Variants in PAM16 observed in about 807,000 individuals in gnomAD.
The protein encoded by PAM16 is presequence translocase associated motor 16.
Under a neutral mutation model 17.9 loss-of-function variants are expected in PAM16, and 11 were observed. That is an observed-to-expected ratio of 0.62 (90% CI 0.39 to 1.02). The LOEUF is 1.02. Among genes scored for constraint, PAM16 ranks in the 50% least tolerant of loss-of-function variants. The probability of loss-of-function intolerance (pLI) is 0.01; values close to 1 mark genes in which losing one functional copy is unlikely to be tolerated. For missense variants in PAM16, 199 were observed against 165.4 expected, an observed-to-expected ratio of 1.20 and a Z score of -1.11; for synonymous variants, 72 against 67.4, an observed-to-expected ratio of 1.07 and a Z score of -0.34.
At chr16:4,344,552 G>C (rs1171483531) in intron 1 of PAM16, among the ~76,000 whole-genome samples, 10 of 111,840 alleles carry the variant, frequency 8.9e-5, no homozygotes, top group East Asian at 3.1e-4. Flanking sequence ...AGGGGGTTCC[G>C]TGAGAGGAGG....
intron 2 of PAM16, among the ~76,000 whole-genome samples, chr16:4,342,676 C>T (rs1373232468): frequency 2.7e-5 from 4 of 150,632 alleles, no homozygotes; most frequent in Non-Finnish European, 5.9e-5. Flanking sequence ...GATTTATTTA[C>T]AAAACCAGGG....
chr16:4,349,276 T>C (rs1401145670), intron 1 of PAM16, among the ~76,000 whole-genome samples: 1 of 152,030 alleles, frequency 6.6e-6, no homozygotes, highest in Non-Finnish European at 1.5e-5. Flanking sequence ...TTCCTGTTAA[T>C]ATACTGTCAT....
intron 1 of PAM16, among the ~76,000 whole-genome samples, chr16:4,349,305 C>T (rs1235934686): frequency 6.6e-6 from 1 of 152,090 alleles, no homozygotes; most frequent in African/African-American, 2.4e-5. Flanking sequence ...CGGTGGCTCA[C>T]GCCTATAATC....
At chr16:4,342,030 C>T (rs542244210) in intron 2 of PAM16, among the ~76,000 whole-genome samples, 8 of 152,338 alleles carry the variant, frequency 5.3e-5, no homozygotes, top group African/African-American at 1.7e-4. Context: ...AATGAGCCTA[C>T]ACTGGAACCA....
At chr16:4,347,764 G>A (rs147548535) in intron 1 of PAM16, 2,591 of 152,312 alleles carry the variant, frequency 0.017, 43 homozygotes, top group South Asian at 0.029. Context: ...ACTGACACTT[G>A]GGCCTGAGGG....
rs778003374 is a variant in PAM16 at position 4,340,424 on chromosome 16, T to C, written c.292-19A>G. 1.6e-5 allele frequency: 25 copies of C among 1,607,524 alleles called. No homozygotes were observed. Among genetic ancestry groups the C allele is most frequent in the Non-Finnish European group, 2.1e-5 (25 of 1,177,848 alleles). ...GGACCACCTAGTGGGTCACGGATAA[T>C]CAGGCCGGGAGGCCAAGCCTCCGCC... On this transcript the variant is annotated intron_variant, in intron 4 of 4. Coordinates refer to ENST00000318059, the MANE Select transcript of PAM16 (RefSeq NM_016069.11).
At chr16:4,341,525 T>C in intron 2 of PAM16, 21 bp from the exon 3 acceptor site, 5 of 1,598,902 alleles carry the variant, frequency 3.1e-6, no homozygotes, top group Non-Finnish European at 4.3e-6. Flanking sequence ...ATGTGGGTGA[T>C]CGCTCAGTCC....
chr16:4,348,165 T>C (rs1008263253), intron 1 of PAM16: 9 of 152,242 alleles, frequency 5.9e-5, no homozygotes, highest in African/African-American at 1.7e-4. Context: ...ACCACAACTG[T>C]AGCACGTGCC....
chr16:4,341,013 G>GGCT (rs769076825), intron 3 of PAM16, 28 bp from the exon 4 acceptor site: 1 of 1,613,046 alleles, frequency 6.2e-7, no homozygotes, highest in East Asian at 2.2e-5. Context: ...CGGGTGAGAG[G>GGCT]GCTGCAGACT....
At chr16:4,346,617 G>A (rs906645853) in intron 1 of PAM16, 1 of 152,264 alleles carries the variant, frequency 6.6e-6, no homozygotes, top group African/African-American at 2.4e-5. Flanking sequence ...GAACCACGTT[G>A]ACCTGGGACC....
At chr16:4,344,144 C>A in intron 1 of PAM16, 1 of 394,534 alleles carries the variant, frequency 2.5e-6, no homozygotes. Context: ...GCGGAAGCAA[C>A]AGAGTCGAGG....
At chr16:4,344,563 G>T (rs1399510930) in intron 1 of PAM16, among the ~76,000 whole-genome samples, 7 of 109,702 alleles carry the variant, frequency 6.4e-5, no homozygotes, top group Non-Finnish European at 9.4e-5. Context: ...TGAGAGGAGG[G>T]GGTTCTGTGA....
At chr16:4,341,577 C>T in intron 2 of PAM16, 73 bp from the exon 3 acceptor site, 1 of 1,512,738 alleles carries the variant, frequency 6.6e-7, no homozygotes, top group Non-Finnish European at 8.9e-7. Flanking sequence ...GAGTTGGTGG[C>T]TCACCCCTGC....
intron 1 of PAM16, chr16:4,343,694 C>G (rs760829938): frequency 1.1e-5 from 6 of 536,490 alleles, no homozygotes; most frequent in East Asian, 3.4e-5. Context: ...ATCACTCTTC[C>G]TGAGTTTCTG....
rs548776365 is a variant in PAM16 at position 4,341,092 on chromosome 16, T to A, written c.226-107A>T. 5.6e-6 allele frequency: 8 copies of A among 1,416,108 alleles called. No individual in the cohort carries two copies. The African/African-American group carries it at 1.1e-4, about 20-fold the overall frequency. 87.7% of individuals were successfully genotyped at this position (1,416,108 alleles called of 1,614,324 possible). On this transcript the variant is annotated intron_variant, in intron 3 of 4. Transcript: ENST00000318059. ...GAGGCAACAGGACTCCTCTCCACCC[T>A]GTGTGCCACACCCAGCTGTTGTGGC...
rs2053621550 is a variant in PAM16, at chr16:4,340,300, GGCGGGGGGA to G, written c.*10_*18del. 5.0e-6 allele frequency: 8 copies of G among 1,603,084 alleles called. No individual in the cohort carries two copies. Among genetic ancestry groups the G allele is most frequent in the Non-Finnish European group, 6.8e-6 (8 of 1,172,720 alleles). On this transcript the variant is annotated 3_prime_UTR_variant, in exon 5 of 5. Transcript: ENST00000318059. ...GCTATAAATTAGAGGCGGCGGGGTG[GGCGGGGGGA>G]GCCGAGCAGTCACGTATGGGGCATC...
In PAM16 at chr16:4,348,802, C is replaced by T. The variant is rs551660589; in HGVS notation, c.3+2430G>A. Among the ~76,000 whole-genome samples, 4 of 151,674 alleles carry T rather than the reference C, an allele frequency of 2.6e-5. No homozygotes were observed. The East Asian group carries it at 7.8e-4, about 29-fold the overall frequency. On this transcript the variant is annotated intron_variant, in intron 1 of 4. Coordinates refer to ENST00000318059, the MANE Select transcript of PAM16 (RefSeq NM_016069.11). ...TCCTGAGTAGCTGGGACTACAGGCA[C>T]ACGCTGCCATGCCCGGCTAATTTTT...
intron 1 of PAM16, chr16:4,347,326 G>T (rs937098430): frequency 6.6e-6 from 1 of 152,218 alleles, no homozygotes; most frequent in Non-Finnish European, 1.5e-5. Context: ...TTTCTGGAGA[G>T]ATGGGGTTTC....
intron 2 of PAM16, 140 bp downstream of exon 2, chr16:4,343,067 C>G (rs2053674302): frequency 9.0e-7 from 1 of 1,115,904 alleles, no homozygotes; most frequent in Admixed American, 2.3e-5. Context: ...ATGCCCCGGT[C>G]TGGCATCACC....
Sources: allele counts gnomAD v4.1 joint callset (sites outside exome capture counted in the v4.1 genomes callset), GRCh38; gene constraint gnomAD v4.1.1; transcripts MANE v1.5; gene names NCBI Gene and HGNC (gene_info 2026-07-23, HGNC 2026-07-21).